The following IDO2 variants were observed in gnomAD, a reference collection of about 807,000 sequenced individuals.
The protein encoded by IDO2 is indoleamine 2,3-dioxygenase-like 1 protein.
A neutral mutation model predicts 45.1 loss-of-function variants in IDO2; 46 were observed. The ratio of observed to expected loss-of-function variants is 1.02; its 90% CI spans 0.80 to 1.30. The LOEUF is 1.30. Ranked by LOEUF, IDO2 falls within the 50% of genes most tolerant of loss-of-function variation. The pLI is 0.00. For synonymous variants in IDO2, 218 were observed against 184.9 expected, an observed-to-expected ratio of 1.18 and a Z score of -1.45; for missense variants, 544 against 491.8, an observed-to-expected ratio of 1.11 and a Z score of -1.00.
intron 3 of IDO2, among the ~76,000 whole-genome samples, chr8:39,966,148 C>T (rs897372104): frequency 7.9e-5 from 12 of 151,396 alleles, no homozygotes; most frequent in Non-Finnish European, 1.5e-4. Flanking sequence ...CCTGCCTCAG[C>T]CTCCTGAGTA....
exon 11 of IDO2, chr8:40,016,099 A>G (rs1773196100): frequency 2.5e-6 from 1 of 392,608 alleles, no homozygotes; most frequent in South Asian, 1.4e-4. Flanking sequence ...GAGGTTGGAA[A>G]TGCTCCAGTG....
intron 10 of IDO2, 29 bp from the exon 11 acceptor site, chr8:40,015,218 A>G (rs1802369260): frequency 8.0e-7 from 1 of 1,255,846 alleles, no homozygotes; most frequent in Non-Finnish European, 1.1e-6. Context: ...ATGTGGAGCT[A>G]TGACGTTATG....
At chr8:39,969,111 G>A (rs996607214) in intron 3 of IDO2, among the ~76,000 whole-genome samples, 1 of 152,134 alleles carries the variant, frequency 6.6e-6, no homozygotes, top group African/African-American at 2.4e-5. Flanking sequence ...GTGAACAGTT[G>A]TGAAACTGCT....
At chr8:39,975,227 G>A (rs1030315908) in intron 3 of IDO2, among the ~76,000 whole-genome samples, 18 of 148,430 alleles carry the variant, frequency 1.2e-4, no homozygotes, top group African/African-American at 4.3e-4. Flanking sequence ...GTGCATTGGC[G>A]TGATCTTGGC....
chr8:39,958,978 T>C (rs1235075287), intron 2 of IDO2, among the ~76,000 whole-genome samples: 1 of 152,226 alleles, frequency 6.6e-6, no homozygotes, highest in African/African-American at 2.4e-5. Context: ...AATATCATCC[T>C]GGAGCATTGT....
intron 7 of IDO2, 78 bp from the exon 8 acceptor site, chr8:39,989,643 C>T (rs941626358): frequency 9.9e-7 from 1 of 1,005,772 alleles, no homozygotes; most frequent in Middle Eastern, 2.1e-4. Flanking sequence ...CCCTGGGTTC[C>T]AACAGTATGA....
chr8:39,940,586 A>G (rs1184260713), intron 1 of IDO2, among the ~76,000 whole-genome samples: 1 of 152,194 alleles, frequency 6.6e-6, no homozygotes, highest in Non-Finnish European at 1.5e-5. Flanking sequence ...TTCCTGTTGG[A>G]AACATTCAAA....
intron 1 of IDO2, among the ~76,000 whole-genome samples, chr8:39,947,087 C>G (rs555453042): frequency 5.0e-5 from 7 of 140,864 alleles, no homozygotes; most frequent in African/African-American, 1.9e-4. Context: ...ACCTGGGAGG[C>G]AGAGGTTGCA....
At chr8:39,965,532 A>G (rs1160639737) in intron 3 of IDO2, among the ~76,000 whole-genome samples, 1 of 152,032 alleles carries the variant, frequency 6.6e-6, no homozygotes, top group African/African-American at 2.4e-5. Flanking sequence ...ATATTAAAAT[A>G]CAAATTTTTA....
intron 8 of IDO2, among the ~76,000 whole-genome samples, chr8:39,994,949 C>A (rs16888502): frequency 6.6e-6 from 1 of 151,842 alleles, no homozygotes; most frequent in South Asian, 2.1e-4. Flanking sequence ...CTGCAAAGAT[C>A]AAGAGCACAC....
intron 10 of IDO2, among the ~76,000 whole-genome samples, chr8:40,014,757 A>T (rs142805603): frequency 6.6e-6 from 1 of 152,316 alleles, no homozygotes; most frequent in African/African-American, 2.4e-5. Flanking sequence ...GTCAACTGTT[A>T]GAAATATACA....
At chr8:39,971,858 G>A (rs555904454) in intron 3 of IDO2, among the ~76,000 whole-genome samples, 101 of 152,066 alleles carry the variant, frequency 6.6e-4, no homozygotes, top group African/African-American at 2.2e-3. Context: ...GCCCAAGCTG[G>A]AGTGCAGTGG....
intron 1 of IDO2, among the ~76,000 whole-genome samples, chr8:39,948,900 T>C (rs1356037280): frequency 1.3e-5 from 2 of 152,204 alleles, no homozygotes; most frequent in Admixed American, 6.5e-5. Flanking sequence ...TTTTCTCATA[T>C]TGGTGTGTAA....
intron 9 of IDO2, among the ~76,000 whole-genome samples, chr8:40,012,284 G>A (rs150928293): frequency 5.5e-4 from 84 of 152,294 alleles, no homozygotes; most frequent in African/African-American, 1.9e-3. Flanking sequence ...CTGGCTATAG[G>A]AGGAAAAGAC....
intron 2 of IDO2, among the ~76,000 whole-genome samples, chr8:39,955,660 C>T (rs1321851490): frequency 2.0e-5 from 3 of 152,054 alleles, no homozygotes; most frequent in Admixed American, 2.0e-4. Context: ...CGAATCTACC[C>T]ATCCCGCAAG....
chr8:40,004,333 G>C (rs1014102601), intron 8 of IDO2, among the ~76,000 whole-genome samples: 1 of 152,100 alleles, frequency 6.6e-6, no homozygotes, highest in Non-Finnish European at 1.5e-5. Flanking sequence ...TACGTATGTT[G>C]GTTGGAAAAG....
At chr8:39,983,872 A>T (rs942735608) in intron 5 of IDO2, among the ~76,000 whole-genome samples, 1 of 149,352 alleles carries the variant, frequency 6.7e-6, no homozygotes, top group Admixed American at 6.7e-5. Flanking sequence ...AGAAAAAAAA[A>T]TTATGTGCCC....
chr8:40,016,088 G>A (rs183629344), exon 11 of IDO2: 199 of 391,808 alleles, frequency 5.1e-4, no homozygotes, highest in Admixed American at 1.0e-3. Context: ...GTTGGTGGCA[G>A]GAGGTTGGAA....
At chr8:39,938,487 A>C (rs1323906119) in intron 1 of IDO2, among the ~76,000 whole-genome samples, 1 of 152,144 alleles carries the variant, frequency 6.6e-6, no homozygotes, top group African/African-American at 2.4e-5. Context: ...CCATAAAACT[A>C]TTAGAGATAA....
Sources: allele counts gnomAD v4.1 joint callset (sites outside exome capture counted in the v4.1 genomes callset), GRCh38; gene constraint gnomAD v4.1.1; transcripts MANE v1.5; gene names NCBI Gene and HGNC (gene_info 2026-07-23, HGNC 2026-07-21).